C16orf92: variants seen among roughly 807,000 people sequenced by gnomAD.
C16orf92 encodes fertilization-influencing membrane protein.
A neutral mutation model predicts 13.7 loss-of-function variants in C16orf92; 14 were observed. That is an observed-to-expected ratio of 1.02 (90% CI 0.67 to 1.60). C16orf92 has a LOEUF of 1.60. Ranked by LOEUF, C16orf92 falls within the 40% of genes most tolerant of loss-of-function variation. The pLI, the probability that C16orf92 is intolerant of heterozygous loss-of-function variation, is 0.00. For synonymous variants in C16orf92, 50 were observed against 57.4 expected (o/e 0.87, Z 0.58); for missense variants, 116 against 139.0 (o/e 0.83, Z 0.83).
At chr16:30,023,696 G>C (rs369479173) in intron 1 of C16orf92, 31 bp from the exon 2 acceptor site, 2 of 1,614,008 alleles carry the variant, frequency 1.2e-6, no homozygotes, top group Non-Finnish European at 1.7e-6. Flanking sequence ...GGTCAGCTTG[G>C]CTGTTGTCAC....
Position 30,023,841 on chromosome 16 carries a change from T to A in C16orf92, c.179T>A (p.Val60Glu), listed in dbSNP as rs764255786. Residue 60 changes from valine to glutamate, a missense_variant, in exon 2 of 4, where the codon GTG (valine) becomes GAG (glutamate). Coordinates refer to ENST00000681219, the MANE Select transcript of C16orf92 (RefSeq NM_001109659.2). ...TCAGACCAAGCCAGGCTGCTGGCTG[T>A]GGCCCAGTTTATTGGAGAGAAACCC... is the stretch of plus-strand genomic sequence containing the variant. ...PDSDQARLLA[V>E]AQFIGEKPIV... 2 of 1,614,122 alleles carry A rather than the reference T, an allele frequency of 1.2e-6. No homozygotes were observed. The highest frequency in any genetic ancestry group is 4.5e-5 in the East Asian group (2 of 44,874).
rs1052410213 is a variant in C16orf92 at position 30,024,018 on chromosome 16, C to G, written c.243C>G (p.Phe81Leu). ...FINSGSSPGL[F>L]HHILVGLLVV... The stretch of plus-strand genomic sequence containing the variant: ...TAGCAGGTTCCAGCCCCGGGCTCTT[C>G]CATCACATCCTGGTGGGCTTGCTGG... Residue 81 changes from phenylalanine (F) to leucine (L), a missense_variant, in exon 3 of 4, where the codon TTC becomes TTG. By Grantham distance (22) the Phe-to-Leu change is conservative. Coordinates refer to ENST00000681219, the MANE Select transcript of C16orf92 (RefSeq NM_001109659.2). 3 of 1,613,952 alleles carry G rather than the reference C, an allele frequency of 1.9e-6. No homozygotes were observed. Among genetic ancestry groups the G allele is most frequent in the Non-Finnish European group, 1.7e-6 (2 of 1,179,802 alleles).
At chr16:30,025,547 C>G, downstream of C16orf92, 2 of 1,572,112 alleles carry the variant, frequency 1.3e-6, no homozygotes, top group Non-Finnish European at 8.7e-7. The surrounding 1 kb of genome is among the most constrained non-coding windows in gnomAD (Gnocchi z 4.1). Context: ...CCCTGCGACC[C>G]TAGCAGGCAG....
chr16:30,025,773 C>T (rs1193589881), downstream of C16orf92: 1 of 1,614,036 alleles, frequency 6.2e-7, no homozygotes. The surrounding 1 kb of genome is among the most constrained non-coding windows in gnomAD (Gnocchi z 4.1). Flanking sequence ...CTGACCTCTG[C>T]CATCAACATG....
chr16:30,024,490 C>A lies in C16orf92; in HGVS notation c.*263C>A. ...AAGCACCTCCCAGGGTCCCCCGACCCCAGATTGGAGGAAGCCTTGAGAGGT... is the reference window on the plus strand; with the variant it reads ...AAGCACCTCCCAGGGTCCCCCGACCACAGATTGGAGGAAGCCTTGAGAGGT... On this transcript the variant is annotated 3_prime_UTR_variant, in exon 4 of 4. Transcript: ENST00000681219. The A allele has an allele frequency of 1.8e-6, 1 of 548,378 alleles. No homozygotes were observed. The highest frequency in any genetic ancestry group is 3.2e-6 in the Non-Finnish European group (1 of 310,316). The allele number at this position is 548,378 out of a possible 1,614,324, so 34.0% of individuals were successfully genotyped here.
rs1420435311 is a variant in C16orf92 at position 30,024,069 on chromosome 16, C to G, written c.294C>G (p.Phe98Leu). ...LLVVAFFFLL[F>L]QFCTHINFQK... Reference sequence around the variant, plus strand: ...TGGTGGCGTTCTTCTTTCTCCTTTTCCAGTTCTGCACCCACATGTAAGGCC... The same window carrying G: ...TGGTGGCGTTCTTCTTTCTCCTTTTGCAGTTCTGCACCCACATGTAAGGCC... The change falls in exon 3 of 4, where the codon TTC becomes TTG. Residue 98 changes from phenylalanine to leucine, a missense_variant. Transcript: ENST00000681219. 2 of 1,613,604 alleles carry G rather than the reference C, an allele frequency of 1.2e-6. No homozygotes were observed. The highest frequency in any genetic ancestry group is 8.5e-7 in the Non-Finnish European group (1 of 1,179,546).
downstream of C16orf92, chr16:30,025,424 A>G: frequency 6.2e-7 from 1 of 1,612,460 alleles, no homozygotes; most frequent in Non-Finnish European, 8.5e-7. This position sits in a 1 kb window ranked among gnomAD's most constrained non-coding sequence, Gnocchi z 4.1. Flanking sequence ...GAGCAGCATC[A>G]GGGCCCCGTT....
chr16:30,025,716 G>A, downstream of C16orf92: 1 of 1,613,540 alleles, frequency 6.2e-7, no homozygotes, highest in Non-Finnish European at 8.5e-7. This position sits in a 1 kb window ranked among gnomAD's most constrained non-coding sequence, Gnocchi z 4.1. Flanking sequence ...ACCCTCCCAT[G>A]CTCACTCACC....
At chr16:30,027,460 G>T (rs1408835373), downstream of C16orf92, 2 of 420,464 alleles carry the variant, frequency 4.8e-6, no homozygotes, top group Non-Finnish European at 9.7e-6. Flanking sequence ...TGGCTCCACA[G>T]CCCTCACTGT....
chr16:30,024,983 G>T (rs1232093592), downstream of C16orf92: 2 of 510,064 alleles, frequency 3.9e-6, no homozygotes, highest in African/African-American at 2.0e-5. Flanking sequence ...TGTGCAGGAA[G>T]GGGGCAGAGT....
chr16:30,027,016 A>T, downstream of C16orf92: 1 of 696,662 alleles, frequency 1.4e-6, no homozygotes, highest in Non-Finnish European at 2.6e-6. Flanking sequence ...ACAGTCATGC[A>T]GCTAGTAAGA....
downstream of C16orf92, chr16:30,027,288 C>A: frequency 2.5e-6 from 1 of 408,044 alleles, no homozygotes; most frequent in Admixed American, 2.8e-5. Context: ...CCCATTCCTG[C>A]CTCCTGGGAC....
At chr16:30,026,848 T>C (rs770843800), downstream of C16orf92, 6 of 1,613,080 alleles carry the variant, frequency 3.7e-6, no homozygotes, top group South Asian at 4.4e-5. Flanking sequence ...CAGTGTCTGT[T>C]GGGCAGAGAG....
In C16orf92 at chr16:30,023,898, T is replaced by C. The variant is rs1210697343; in HGVS notation, c.223+13T>C. 1.2e-6 allele frequency: 2 copies of C among 1,606,080 alleles called. No homozygotes were observed. Among genetic ancestry groups the C allele is most frequent in the Non-Finnish European group, 1.7e-6 (2 of 1,172,812 alleles). ...TTCATTAACTCAGGTATGAACCAGC[T>C]TGAGAAGGGACCTCCCTCCCCGCCA... On this transcript the variant is annotated intron_variant, in intron 2 of 3. Transcript: ENST00000681219.
chr16:30,024,749 G>A (rs1021179690), downstream of C16orf92: 13 of 191,198 alleles, frequency 6.8e-5, no homozygotes, highest in South Asian at 1.7e-4. Context: ...CCGGCCACTC[G>A]GGAGGCCCGA....
At chr16:30,026,656 C>A, downstream of C16orf92, 2 of 1,613,882 alleles carry the variant, frequency 1.2e-6, no homozygotes, top group Non-Finnish European at 1.7e-6. Flanking sequence ...TGGTGGAGCA[C>A]CATGAGGAAC....
chr16:30,024,011 G>T lies in C16orf92; in HGVS notation c.236G>T (p.Gly79Val). 6.2e-7 allele frequency: 1 copy of T among 1,613,702 alleles called. No homozygotes were observed. Among genetic ancestry groups the T allele is most frequent in the Non-Finnish European group, 8.5e-7 (1 of 1,179,646 alleles). ...GTTTGTCTAGCAGGTTCCAGCCCCGGGCTCTTCCATCACATCCTGGTGGGC... is the reference window on the plus strand; with the variant it reads ...GTTTGTCTAGCAGGTTCCAGCCCCGTGCTCTTCCATCACATCCTGGTGGGC... ...IVFINSGSSP[G>V]LFHHILVGLL... The change falls in exon 3 of 4, where the codon GGG becomes GTG. Residue 79 changes from glycine to valine, a missense_variant. Coordinates refer to ENST00000681219, the MANE Select transcript of C16orf92 (RefSeq NM_001109659.2).
chr16:30,025,886 C>G, downstream of C16orf92: 1 of 1,255,264 alleles, frequency 8.0e-7, no homozygotes, highest in Non-Finnish European at 1.2e-6. This position sits in a 1 kb window ranked among gnomAD's most constrained non-coding sequence, Gnocchi z 4.1. Context: ...AGCCCCCGCC[C>G]TTCCTCTTTC....
At chr16:30,025,308 C>T (rs371230023), downstream of C16orf92, 340 of 1,562,342 alleles carry the variant, frequency 2.2e-4, no homozygotes, top group Non-Finnish European at 2.8e-4. This position sits in a 1 kb window ranked among gnomAD's most constrained non-coding sequence, Gnocchi z 4.1. Flanking sequence ...CCCAGGTTGA[C>T]GTGGGCAGGG....
Sources: gnomAD v4.1 joint callset for allele counts on GRCh38, gnomAD v4.1.1 for gene constraint, Gnocchi (gnomAD v3.1) non-coding constraint, MANE v1.5 for transcripts, NCBI Gene and HGNC (gene_info 2026-07-23, HGNC 2026-07-21) for gene names.